The following GPM6A variants were observed in gnomAD, a reference collection of about 807,000 sequenced individuals.
The protein encoded by GPM6A is neuronal membrane glycoprotein M6-a.
Under a neutral mutation model 32.1 loss-of-function variants are expected in GPM6A, and 7 were observed. The observed-to-expected ratio is 0.22, with a 90% CI of 0.12 to 0.41. The LOEUF is 0.41. Among genes scored for constraint, GPM6A ranks in the 10% least tolerant of loss-of-function variants. The pLI is 1.00. For missense variants in GPM6A, 235 were observed against 347.2 expected, an observed-to-expected ratio of 0.68 and a Z score of 2.57; for synonymous variants, 130 against 123.4, an observed-to-expected ratio of 1.05 and a Z score of -0.35.
chr4:175,779,456 A>G (rs1294083625), intron 1 of GPM6A, among the ~76,000 whole-genome samples: 1 of 152,194 alleles, frequency 6.6e-6, no homozygotes, highest in Non-Finnish European at 1.5e-5. Flanking sequence ...TATTGAGTGT[A>G]ATGAATAGCA....
At position 175,998,217 on chromosome 4, in the gene GPM6A, G is replaced by T. The variant is rs140119839; in HGVS notation, c.-23+4092C>A. ...TGTCCAGGCTGGAGTGTAGTGGCAT[G>T]ATCTCGGCTCACTGCAACCTCTGCC... On this transcript the variant is annotated intron_variant, in intron 1 of 7. Transcript: ENST00000280187. Among the ~76,000 whole-genome samples the T allele has an allele frequency of 2.2e-3, 331 of 151,866 alleles. 3 individuals are homozygous for T. Among genetic ancestry groups the T allele is most frequent in the African/African-American group, 7.6e-3 (314 of 41,376 alleles).
intron 1 of GPM6A, among the ~76,000 whole-genome samples, chr4:175,870,552 C>G (rs1736874722): frequency 6.6e-6 from 1 of 152,140 alleles, no homozygotes; most frequent in Admixed American, 6.6e-5. Flanking sequence ...ACTTTACATT[C>G]TAAATCTCAT....
chr4:175,815,997 G>A (rs571202800), upstream of GPM6A, among the ~76,000 whole-genome samples: 3 of 152,120 alleles, frequency 2.0e-5, no homozygotes, highest in South Asian at 4.2e-4. Context: ...GATTACAGGC[G>A]TGAGCCACCA....
chr4:175,918,922 G>A (rs1315265986), intron 1 of GPM6A, among the ~76,000 whole-genome samples: 1 of 151,654 alleles, frequency 6.6e-6, no homozygotes, highest in Admixed American at 6.6e-5. Context: ...ACTGGTTTTT[G>A]TCTTATTATC....
At chr4:175,979,474 A>G (rs1373718935) in intron 1 of GPM6A, among the ~76,000 whole-genome samples, 28 of 152,178 alleles carry the variant, frequency 1.8e-4, no homozygotes, top group Admixed American at 1.8e-3. Context: ...ATTCCCACCT[A>G]TGAGTGAGAA....
chr4:175,656,813 C>T (rs2110933292), intron 3 of GPM6A, among the ~76,000 whole-genome samples: 1 of 152,240 alleles, frequency 6.6e-6, no homozygotes, highest in African/African-American at 2.4e-5. Flanking sequence ...CCTTGGAAGT[C>T]AGCAGCATTG....
chr4:175,822,463 A>G (rs1026423174), intron 1 of GPM6A, among the ~76,000 whole-genome samples: 13 of 152,178 alleles, frequency 8.5e-5, no homozygotes, highest in African/African-American at 3.1e-4. Flanking sequence ...GTCTGTATTA[A>G]CAATGAAAAG....
rs1419279082 is a variant in GPM6A, at chr4:175,941,331, A to T, written c.-23+60978T>A. Among the ~76,000 whole-genome samples, 3 of 152,314 alleles carry T rather than the reference A, an allele frequency of 2.0e-5. No individual in the cohort carries two copies. The East Asian group carries it at 5.8e-4, about 29-fold the overall frequency. The stretch of plus-strand genomic sequence containing the variant: ...GACGTCTCATTTGTAATAAGCCTTC[A>T]TCTTTTAAAAAAAATTTATTAGTTA... On this transcript the variant is annotated intron_variant, in intron 1 of 7. Transcript: ENST00000280187.
intron 1 of GPM6A, among the ~76,000 whole-genome samples, chr4:175,748,748 G>A (rs1732202493): frequency 1.3e-5 from 2 of 152,114 alleles, no homozygotes; most frequent in African/African-American, 4.8e-5. Context: ...TTGAAGCCAG[G>A]CATTGACTTC....
chr4:175,950,395 A>G (rs1398501203), intron 1 of GPM6A, among the ~76,000 whole-genome samples: 1 of 152,218 alleles, frequency 6.6e-6, no homozygotes, highest in South Asian at 2.1e-4. Context: ...CAAGCACATA[A>G]TATGTTCTAT....
At chr4:175,778,840 A>T (rs148451491) in intron 1 of GPM6A, among the ~76,000 whole-genome samples, 2 of 150,258 alleles carry the variant, frequency 1.3e-5, no homozygotes, top group East Asian at 1.9e-4. Context: ...ACAATAAAAC[A>T]TTACATATTA....
At chr4:175,971,344 A>G (rs1015051231) in intron 1 of GPM6A, among the ~76,000 whole-genome samples, 1 of 152,146 alleles carries the variant, frequency 6.6e-6, no homozygotes, top group Admixed American at 6.6e-5. Flanking sequence ...ACCAACATAA[A>G]GCATATTTTC....
intron 1 of GPM6A, among the ~76,000 whole-genome samples, chr4:175,822,744 G>A (rs890179740): frequency 6.6e-6 from 1 of 151,620 alleles, no homozygotes; most frequent in Admixed American, 6.6e-5. Context: ...ATGTGCCATG[G>A]TGATATGCTG....
chr4:175,671,476 C>CAA (rs1743057417), intron 3 of GPM6A, among the ~76,000 whole-genome samples: 1 of 4,134 alleles, frequency 2.4e-4, no homozygotes, highest in Non-Finnish European at 4.4e-4. Context: ...TGCCTACAAA[C>CAA]GAAAAAAAAA....
At chr4:175,768,834 AT>A (rs1342578241) in intron 1 of GPM6A, among the ~76,000 whole-genome samples, 1 of 152,130 alleles carries the variant, frequency 6.6e-6, no homozygotes, top group Non-Finnish European at 1.5e-5. Context: ...GGTGGCTCAC[AT>A]CTGTAATCTC....
intron 1 of GPM6A, among the ~76,000 whole-genome samples, chr4:175,926,872 A>G (rs1738857208): frequency 6.6e-6 from 1 of 152,214 alleles, no homozygotes; most frequent in African/African-American, 2.4e-5. Flanking sequence ...CAGATCGTCA[A>G]ATCAGTGCCT....
At chr4:175,958,476 C>T (rs906512456) in intron 1 of GPM6A, among the ~76,000 whole-genome samples, 1 of 152,202 alleles carries the variant, frequency 6.6e-6, no homozygotes, top group Non-Finnish European at 1.5e-5. Context: ...CATAAAGCCA[C>T]TTTCAACATC....
At chr4:175,991,612 A>G (rs1741148253) in intron 1 of GPM6A, among the ~76,000 whole-genome samples, 1 of 152,158 alleles carries the variant, frequency 6.6e-6, no homozygotes, top group African/African-American at 2.4e-5. Flanking sequence ...ACTATCTACT[A>G]AATATAATGT....
rs1310055241 is a variant in GPM6A at position 175,634,973 on chromosome 4, T to G, written c.769A>C (p.Lys257Gln). 6.2e-7 allele frequency: 1 copy of G among 1,613,784 alleles called. No homozygotes were observed. Among genetic ancestry groups the G allele is most frequent in the Non-Finnish European group, 8.5e-7 (1 of 1,179,828 alleles). ...ATGTCATGAAGCTCTTGCTCTTCCT[T>G]CGACTTGATGTCTTCATACTTCTGC... ...RMQKYEDIKS[K>Q]EEQELHDIHS... Residue 257 changes from lysine to glutamine, a missense_variant, in exon 7 of 7, where the codon AAG becomes CAG. Lys to Gln is a moderately conservative substitution (Grantham distance 53). This residue lies in a region of GPM6A where 27 missense variants were observed against 59.4 expected (regional missense o/e 0.45). Transcript: ENST00000393658.
Sources: gnomAD v4.1 joint callset for allele counts (sites outside exome capture counted in the v4.1 genomes callset) on GRCh38, gnomAD v4.1.1 for gene constraint, gnomAD v4.1.1 regional missense constraint, MANE v1.5 for transcripts, NCBI Gene and HGNC (gene_info 2026-07-23, HGNC 2026-07-21) for gene names.